The following ACACA variants were observed in gnomAD, a reference collection of about 807,000 sequenced individuals.
ACACA encodes acetyl-CoA carboxylase 1.
In ACACA, 103 loss-of-function variants were observed where a neutral mutation model predicts 296.1. The observed-to-expected ratio is 0.35, with a 90% CI of 0.30 to 0.41. ACACA has a LOEUF of 0.41. ACACA is among the 10% of genes least tolerant of loss of function. The pLI, the probability that ACACA is intolerant of heterozygous loss-of-function variation, is 1.00. For synonymous variants in ACACA, 953 were observed against 1,038.6 expected (o/e 0.92, Z 1.58); for missense variants, 1,554 against 2,989.7 (o/e 0.52, Z 11.20).
intron 1 of ACACA, among the ~76,000 whole-genome samples, chr17:37,376,397 T>G (rs2050003252): frequency 6.6e-6 from 1 of 152,228 alleles, no homozygotes; most frequent in African/African-American, 2.4e-5. Flanking sequence ...TTCATGTAAT[T>G]AACATTAAAA....
At chr17:37,213,348 CAAAAAAAAAAA>C (rs11353673) in intron 29 of ACACA, among the ~76,000 whole-genome samples, 113 of 78,624 alleles carry the variant, frequency 1.4e-3, no homozygotes, top group Non-Finnish European at 2.9e-3. Context: ...AAGTAAGTCT[CAAAAAAAAAAA>C]AAAAAAAAAA....
intron 3 of ACACA, among the ~76,000 whole-genome samples, chr17:37,303,997 A>G (rs1272796545): frequency 2.0e-5 from 3 of 152,222 alleles, no homozygotes; most frequent in African/African-American, 7.2e-5. Flanking sequence ...AGGCATTCTG[A>G]TAAGTGTGTA....
chr17:37,306,312 T>C (rs2083885844), intron 3 of ACACA, among the ~76,000 whole-genome samples: 1 of 152,222 alleles, frequency 6.6e-6, no homozygotes, highest in Non-Finnish European at 1.5e-5. Flanking sequence ...ATCTTCATAA[T>C]TGGTTTTTGT....
intron 45 of ACACA, chr17:37,143,881 T>C: frequency 6.5e-7 from 1 of 1,545,808 alleles, no homozygotes; most frequent in Non-Finnish European, 8.9e-7. Flanking sequence ...CTGCTTGTCA[T>C]CTGCAGCAGT....
chr17:37,263,819 T>G lies in ACACA; in HGVS notation c.1195A>C (p.Ile399Leu). 6.2e-7 allele frequency: 1 copy of G among 1,614,034 alleles called. No individual in the cohort carries two copies. Among genetic ancestry groups the G allele is most frequent in the Non-Finnish European group, 8.5e-7 (1 of 1,180,012 alleles). ...AKQSRHLEVQ[I>L]LADQYGNAIS... ...GCATTGCCATATTGGTCCGCTAAGA[T>G]CTGCACCTCCAGATGACGAGATTGT... Residue 399 changes from isoleucine (I) to leucine (L), a missense_variant, in exon 11 of 56, where the codon ATC becomes CTC. Ile to Leu is a conservative substitution (Grantham distance 5). Coordinates refer to ENST00000616317, the MANE Select transcript of ACACA (RefSeq NM_198834.3).
intron 19 of ACACA, among the ~76,000 whole-genome samples, chr17:37,246,261 G>T (rs1411898036): frequency 6.6e-6 from 1 of 152,166 alleles, no homozygotes; most frequent in African/African-American, 2.4e-5. Context: ...ATAGCCAGCA[G>T]TTAGGACACC....
chr17:37,153,370 G>C (rs1469475622), intron 43 of ACACA, among the ~76,000 whole-genome samples: 3 of 152,160 alleles, frequency 2.0e-5, no homozygotes, highest in Non-Finnish European at 4.4e-5. Context: ...TTAAATTTTT[G>C]AGAGAAGCAC....
At chr17:37,306,932 A>C (rs1444561668) in intron 3 of ACACA, among the ~76,000 whole-genome samples, 1 of 152,002 alleles carries the variant, frequency 6.6e-6, no homozygotes, top group African/African-American at 2.4e-5. Flanking sequence ...TCCTGGCCTC[A>C]ACTGATCCTC....
chr17:37,219,051 G>C (rs1393779084), intron 29 of ACACA, among the ~76,000 whole-genome samples: 1 of 152,172 alleles, frequency 6.6e-6, no homozygotes, highest in Non-Finnish European at 1.5e-5. Context: ...GACTCAGGAG[G>C]GGAGCTGGTC....
At position 37,085,573 on chromosome 17, in the gene ACACA, T is replaced by TGAG; in HGVS notation, c.*1740_*1742dup. The TGAG allele has an allele frequency of 2.5e-6, 1 of 398,808 alleles. No homozygotes were observed. The highest frequency in any genetic ancestry group is 1.3e-4 in the South Asian group (1 of 7,846). The allele number at this position is 398,808 out of a possible 1,614,324, so 24.7% of individuals were successfully genotyped here. ...CAATGGTCAATGCATTTTCCTGGAC[T>TGAG]GAGAATTGTCCCCCACCACTTTATG... On this transcript the variant is annotated 3_prime_UTR_variant, in exon 56 of 56. Transcript: ENST00000616317.
intron 52 of ACACA, among the ~76,000 whole-genome samples, chr17:37,108,545 T>G (rs564051165): frequency 9.9e-5 from 15 of 152,110 alleles, no homozygotes; most frequent in Admixed American, 2.0e-4. Flanking sequence ...TGCACCACCA[T>G]GCCCGGCTAA....
chr17:37,160,261 C>G (rs140505367), intron 42 of ACACA, among the ~76,000 whole-genome samples: 1 of 152,064 alleles, frequency 6.6e-6, no homozygotes, highest in African/African-American at 2.4e-5. Context: ...AAGTGTTGAT[C>G]GTACACTTAA....
chr17:37,169,860 G>A (rs2076819205), intron 41 of ACACA, among the ~76,000 whole-genome samples: 1 of 152,144 alleles, frequency 6.6e-6, no homozygotes, highest in Non-Finnish European at 1.5e-5. Context: ...AGAGCTGAAG[G>A]AAGATGGAAG....
At chr17:37,358,561 T>G (rs2049250916) in intron 1 of ACACA, among the ~76,000 whole-genome samples, 1 of 152,190 alleles carries the variant, frequency 6.6e-6, no homozygotes, top group Non-Finnish European at 1.5e-5. Context: ...GGACTTTCAA[T>G]GCAATCAGAC....
At chr17:37,339,900 T>C in intron 1 of ACACA, 50 bp from the exon 2 acceptor site, 1 of 943,488 alleles carries the variant, frequency 1.1e-6, no homozygotes, top group South Asian at 1.4e-5. Context: ...AGAAACAAAC[T>C]TTTGTCAATT....
chr17:37,147,009 A>G (rs544991216), intron 45 of ACACA, among the ~76,000 whole-genome samples: 4 of 152,018 alleles, frequency 2.6e-5, no homozygotes, highest in South Asian at 2.1e-4. Flanking sequence ...CATTATTTCA[A>G]TTTTCAAAGG....
At chr17:37,375,404 G>A (rs527604022) in intron 1 of ACACA, among the ~76,000 whole-genome samples, 8 of 151,888 alleles carry the variant, frequency 5.3e-5, no homozygotes, top group Non-Finnish European at 7.4e-5. Flanking sequence ...GGAGAATGGC[G>A]TGAACCTGGG....
intron 14 of ACACA, among the ~76,000 whole-genome samples, chr17:37,256,495 C>A (rs2081234419): frequency 6.6e-6 from 1 of 152,108 alleles, no homozygotes; most frequent in Non-Finnish European, 1.5e-5. Context: ...GCCTATAATA[C>A]CAGCACTTTG....
chr17:37,396,379 A>G (rs999873379), intron 1 of ACACA, among the ~76,000 whole-genome samples: 3 of 151,848 alleles, frequency 2.0e-5, no homozygotes, highest in Non-Finnish European at 4.4e-5. Flanking sequence ...AATATAAAAC[A>G]TATTTTGTAT....
Sources: allele counts gnomAD v4.1 joint callset (sites outside exome capture counted in the v4.1 genomes callset), GRCh38; gene constraint gnomAD v4.1.1; transcripts MANE v1.5; gene names NCBI Gene and HGNC (gene_info 2026-07-23, HGNC 2026-07-21).